Variants in CEP112 observed in about 807,000 individuals in gnomAD.
CEP112 encodes the protein centrosomal protein 112.
In CEP112, 127 loss-of-function variants were observed where a neutral mutation model predicts 153.0. The observed-to-expected ratio is 0.83, with a 90% confidence interval of 0.72 to 0.96. CEP112 has a LOEUF of 0.96. CEP112 is among the 40% of genes least tolerant of loss of function. The pLI, the probability that CEP112 is intolerant of heterozygous loss-of-function variation, is 0.00. For missense variants in CEP112, 1,089 were observed against 1,101.2 expected, an observed-to-expected ratio of 0.99 and a Z score of 0.16; for synonymous variants, 358 against 374.4, an observed-to-expected ratio of 0.96 and a Z score of 0.51.
At chr17:66,176,006 G>C (rs557989017) in intron 3 of CEP112, among the ~76,000 whole-genome samples, 9 of 152,250 alleles carry the variant, frequency 5.9e-5, no homozygotes, top group African/African-American at 2.2e-4. Context: ...TATGGGACAT[G>C]CACAGAAATT....
chr17:65,837,236 A>C (rs1301316319), intron 21 of CEP112, among the ~76,000 whole-genome samples: 1 of 150,400 alleles, frequency 6.6e-6, no homozygotes, highest in African/African-American at 2.5e-5. Context: ...CCGTCTAGGA[A>C]GTGAGGAGCG....
chr17:66,076,909 G>A (rs148805449), intron 8 of CEP112, among the ~76,000 whole-genome samples: 74 of 152,208 alleles, frequency 4.9e-4, no homozygotes, highest in Admixed American at 9.8e-4. Context: ...GTACCAGCCC[G>A]GAGCCAGGTA....
chr17:66,043,572 A>C (rs1240601540), intron 12 of CEP112, among the ~76,000 whole-genome samples: 7 of 152,212 alleles, frequency 4.6e-5, no homozygotes. Context: ...AAAGCCTAGA[A>C]TCTCAATAAA....
chr17:66,028,213 A>C, intron 15 of CEP112, 100 bp downstream of exon 15: 1 of 690,308 alleles, frequency 1.4e-6, no homozygotes, highest in Non-Finnish European at 2.5e-6. Context: ...GATGACCTGC[A>C]TTTCTGAGTT....
chr17:65,670,417 C>T (rs2046928636), intron 24 of CEP112, among the ~76,000 whole-genome samples: 1 of 151,352 alleles, frequency 6.6e-6, no homozygotes, highest in Admixed American at 6.6e-5. Context: ...TATTTACTGG[C>T]AGTATATTAA....
chr17:66,171,548 C>T (rs2072243647), intron 4 of CEP112, among the ~76,000 whole-genome samples: 1 of 152,126 alleles, frequency 6.6e-6, no homozygotes, highest in South Asian at 2.1e-4. Context: ...ACTATGATCA[C>T]TCAGAGTAAA....
intron 4 of CEP112, among the ~76,000 whole-genome samples, chr17:66,154,815 C>A (rs1262474078): frequency 6.6e-6 from 1 of 152,082 alleles, no homozygotes; most frequent in Non-Finnish European, 1.5e-5. Flanking sequence ...ATACCAGTTG[C>A]TATGGTTTCT....
At chr17:65,899,172 C>T (rs2059761868) in intron 20 of CEP112, among the ~76,000 whole-genome samples, 1 of 151,958 alleles carries the variant, frequency 6.6e-6, no homozygotes, top group Admixed American at 6.6e-5. Context: ...TAAGAGAGAC[C>T]TGGTAAATGA....
At chr17:65,970,522 A>C (rs1223832436) in intron 17 of CEP112, among the ~76,000 whole-genome samples, 1 of 151,790 alleles carries the variant, frequency 6.6e-6, no homozygotes, top group Non-Finnish European at 1.5e-5. Context: ...TGCATATTAA[A>C]TACATGTATA....
At chr17:65,757,971 A>C (rs2052386120) in intron 21 of CEP112, among the ~76,000 whole-genome samples, 1 of 152,132 alleles carries the variant, frequency 6.6e-6, no homozygotes, top group Non-Finnish European at 1.5e-5. Flanking sequence ...AACTTGAACA[A>C]ATATATAACA....
chr17:66,017,001 A>T (rs1296524360), intron 16 of CEP112, among the ~76,000 whole-genome samples: 1 of 152,194 alleles, frequency 6.6e-6, no homozygotes, highest in Non-Finnish European at 1.5e-5. Context: ...AAGAATTGTG[A>T]TAAGTTAATA....
At chr17:65,973,795 T>C (rs1235034872) in intron 17 of CEP112, among the ~76,000 whole-genome samples, 1 of 152,188 alleles carries the variant, frequency 6.6e-6, no homozygotes, top group Non-Finnish European at 1.5e-5. Context: ...GGGTGATACA[T>C]ATGTTCACAC....
chr17:65,959,601 G>A (rs762579496), intron 18 of CEP112, among the ~76,000 whole-genome samples: 1 of 152,208 alleles, frequency 6.6e-6, no homozygotes, highest in Non-Finnish European at 1.5e-5. Context: ...CTTTGGGTTC[G>A]TGTGGTTCTT....
chr17:66,064,078 T>A (rs2067024015), intron 10 of CEP112, among the ~76,000 whole-genome samples: 1 of 152,206 alleles, frequency 6.6e-6, no homozygotes, highest in Admixed American at 6.5e-5. Context: ...TTCCTCTTTA[T>A]TCCCATGAAA....
chr17:65,937,565 G>GT (rs2061370284), intron 18 of CEP112, among the ~76,000 whole-genome samples: 1 of 98,606 alleles, frequency 1.0e-5, no homozygotes, highest in Non-Finnish European at 2.1e-5. Context: ...CGGGAGGGAG[G>GT]TGGGGGGGGT....
intron 21 of CEP112, among the ~76,000 whole-genome samples, chr17:65,824,531 T>G (rs748477257): frequency 6.6e-6 from 1 of 152,196 alleles, no homozygotes; most frequent in Non-Finnish European, 1.5e-5. Context: ...AAGTTATAGT[T>G]GTTTTAAAAA....
At chr17:66,075,749 G>C (rs979749504) in intron 8 of CEP112, among the ~76,000 whole-genome samples, 1 of 152,184 alleles carries the variant, frequency 6.6e-6, no homozygotes, top group Non-Finnish European at 1.5e-5. Context: ...GCAGTGTGCA[G>C]AGGCTTGCAT....
At chr17:65,867,257 G>A (rs560216684) in intron 20 of CEP112, among the ~76,000 whole-genome samples, 1 of 152,318 alleles carries the variant, frequency 6.6e-6, no homozygotes, top group East Asian at 1.9e-4. Context: ...CACAGCAGCT[G>A]GACCCCATGC....
intron 24 of CEP112, among the ~76,000 whole-genome samples, chr17:65,669,476 A>G (rs935033597): frequency 6.6e-6 from 1 of 152,222 alleles, no homozygotes; most frequent in Admixed American, 6.5e-5. Flanking sequence ...GGGATAGATG[A>G]TATCATTGAG....
Sources: allele counts gnomAD v4.1 joint callset (sites outside exome capture counted in the v4.1 genomes callset), GRCh38; gene constraint gnomAD v4.1.1; transcripts MANE v1.5; gene names NCBI Gene and HGNC (gene_info 2026-07-23, HGNC 2026-07-21).